The following PTPRT variants were observed in gnomAD, a reference collection of about 807,000 sequenced individuals.
The protein encoded by PTPRT is receptor-type tyrosine-protein phosphatase T.
A neutral mutation model predicts 176.8 loss-of-function variants in PTPRT; 56 were observed. That is an observed-to-expected ratio of 0.32 (90% CI 0.26 to 0.40). PTPRT has a LOEUF of 0.40. PTPRT is among the 10% of genes least tolerant of loss of function. The pLI is 1.00. For synonymous variants in PTPRT, 783 were observed against 739.0 expected (o/e 1.06, Z -0.96); for missense variants, 1,540 against 1,908.2 (o/e 0.81, Z 3.60).
intron 7 of PTPRT, among the ~76,000 whole-genome samples, chr20:42,569,475 T>C (rs2073116509): frequency 6.6e-6 from 1 of 152,168 alleles, no homozygotes; most frequent in African/African-American, 2.4e-5. Flanking sequence ...ACAGAATCTC[T>C]GGAAGGCCTG....
chr20:42,605,259 G>A (rs1244176080), intron 7 of PTPRT, among the ~76,000 whole-genome samples: 1 of 152,158 alleles, frequency 6.6e-6, no homozygotes, highest in Non-Finnish European at 1.5e-5. Flanking sequence ...CTCAGGCCAG[G>A]ACTGACCCCA....
At chr20:42,753,355 A>G (rs2076790171) in intron 6 of PTPRT, among the ~76,000 whole-genome samples, 1 of 152,206 alleles carries the variant, frequency 6.6e-6, no homozygotes. Context: ...ACATATGTTG[A>G]AGGGACTTCT....
chr20:43,135,422 G>A (rs1264948546), intron 1 of PTPRT, among the ~76,000 whole-genome samples: 2 of 152,168 alleles, frequency 1.3e-5, no homozygotes, highest in African/African-American at 4.8e-5. Context: ...CGGTGACCCC[G>A]TTTGGATATA....
In PTPRT at chr20:42,437,725, C is replaced by A. The variant is rs559138398; in HGVS notation, c.1560+10495G>T. On this transcript the variant is annotated intron_variant, in intron 9 of 30. Coordinates refer to ENST00000373187, the MANE Select transcript of PTPRT (RefSeq NM_007050.6). Reference sequence around the variant, plus strand: ...CTTAAGGTGAGGGGAGAAAAACCACCTGCTAGCTCCCGAGCTAATGAAAAG... The same window carrying A: ...CTTAAGGTGAGGGGAGAAAAACCACATGCTAGCTCCCGAGCTAATGAAAAG... Among the ~76,000 whole-genome samples, 23 of 152,264 alleles carry A rather than the reference C, an allele frequency of 1.5e-4. 1 individual carries two copies. The highest frequency in any genetic ancestry group is 3.4e-3 in the Middle Eastern group (1 of 294).
intron 2 of PTPRT, among the ~76,000 whole-genome samples, chr20:42,810,475 G>A (rs73099957): frequency 0.032 from 4,881 of 152,244 alleles, 102 homozygotes; most frequent in Non-Finnish European, 0.048. Context: ...ACGGCTATGG[G>A]ACTGGTCTGG....
intron 7 of PTPRT, among the ~76,000 whole-genome samples, chr20:42,599,442 G>A (rs1569006018): frequency 6.6e-6 from 1 of 152,098 alleles, no homozygotes; most frequent in Non-Finnish European, 1.5e-5. Context: ...CCTCCTCAGG[G>A]ATGAAATGCC....
rs536329951 is a variant in PTPRT at position 43,146,875 on chromosome 20, T to C, written c.88+42771A>G. Among the ~76,000 whole-genome samples the C allele has an allele frequency of 5.3e-5, 8 of 152,236 alleles. No individual in the cohort carries two copies. The South Asian group carries it at 1.5e-3, about 28-fold the overall frequency. On this transcript the variant is annotated intron_variant, in intron 1 of 30. Coordinates refer to ENST00000373187, the MANE Select transcript of PTPRT (RefSeq NM_007050.6). Reference sequence around the variant, plus strand: ...CTCCAGAGATGCCCTCAGCTGTCAATACGATGGAACTATATTCACAGGTCA... The same window carrying C: ...CTCCAGAGATGCCCTCAGCTGTCAACACGATGGAACTATATTCACAGGTCA...
chr20:42,257,653 C>G (rs994943891), intron 13 of PTPRT, among the ~76,000 whole-genome samples: 2 of 97,498 alleles, frequency 2.1e-5, no homozygotes, highest in East Asian at 3.9e-4. Context: ...ACCCCCCCCC[C>G]CCCGCCCACT....
chr20:42,269,857 C>T (rs1408687878), intron 13 of PTPRT, among the ~76,000 whole-genome samples: 2 of 152,138 alleles, frequency 1.3e-5, no homozygotes, highest in Non-Finnish European at 2.9e-5. Context: ...AAATGGTAGA[C>T]CTGATCATAG....
chr20:42,361,652 C>T (rs190057925), intron 9 of PTPRT, among the ~76,000 whole-genome samples: 54 of 150,506 alleles, frequency 3.6e-4, no homozygotes, highest in African/African-American at 1.2e-3. Context: ...GATTGACAGC[C>T]CCAGCTGAGT....
chr20:43,073,563 T>G (rs538726297), intron 1 of PTPRT, among the ~76,000 whole-genome samples: 16 of 151,850 alleles, frequency 1.1e-4, no homozygotes, highest in Admixed American at 5.2e-4. Context: ...TTTATATATA[T>G]AAATATATTA....
At chr20:43,149,156 G>A (rs185729689) in intron 1 of PTPRT, among the ~76,000 whole-genome samples, 66 of 152,276 alleles carry the variant, frequency 4.3e-4, no homozygotes, top group African/African-American at 1.6e-3. Flanking sequence ...ATTTTTAAAT[G>A]TGGTATGTTT....
At chr20:42,313,267 C>A (rs893131309) in intron 12 of PTPRT, among the ~76,000 whole-genome samples, 2 of 152,146 alleles carry the variant, frequency 1.3e-5, no homozygotes, top group Non-Finnish European at 2.9e-5. Flanking sequence ...TAAAAATGGA[C>A]AAACAGCAGC....
At chr20:42,462,329 T>C (rs931060163) in intron 8 of PTPRT, among the ~76,000 whole-genome samples, 2 of 152,132 alleles carry the variant, frequency 1.3e-5, no homozygotes, top group Non-Finnish European at 2.9e-5. Context: ...GCTCCAGTGG[T>C]GCTTCTGGCT....
chr20:42,068,434 G>T (rs1281239091), downstream of PTPRT, among the ~76,000 whole-genome samples: 1 of 152,034 alleles, frequency 6.6e-6, no homozygotes, highest in Non-Finnish European at 1.5e-5. Context: ...CTCTCTCTGG[G>T]GTGCTTCAAA....
chr20:42,630,674 A>C (rs2074386553), intron 7 of PTPRT, among the ~76,000 whole-genome samples: 2 of 152,200 alleles, frequency 1.3e-5, no homozygotes, highest in Non-Finnish European at 2.9e-5. Flanking sequence ...ATCATACATT[A>C]TTTATCCACA....
chr20:42,905,694 T>C (rs1164552484), intron 1 of PTPRT, among the ~76,000 whole-genome samples: 2 of 152,246 alleles, frequency 1.3e-5, no homozygotes, highest in South Asian at 4.1e-4. Context: ...TAGACTGGAT[T>C]AAGAAACTGT....
At chr20:43,140,062 T>C (rs1057028603) in intron 1 of PTPRT, among the ~76,000 whole-genome samples, 8 of 152,232 alleles carry the variant, frequency 5.3e-5, no homozygotes, top group African/African-American at 1.9e-4. Context: ...TTCCCCAGCG[T>C]TTATTACAAT....
chr20:42,453,155 T>C (rs952715105), intron 8 of PTPRT, among the ~76,000 whole-genome samples: 1 of 152,220 alleles, frequency 6.6e-6, no homozygotes, highest in African/African-American at 2.4e-5. Context: ...TACCCATGTA[T>C]TCTTCCAGAA....
Sources: allele counts gnomAD v4.1 joint callset (sites outside exome capture counted in the v4.1 genomes callset), GRCh38; gene constraint gnomAD v4.1.1; transcripts MANE v1.5; gene names NCBI Gene and HGNC (gene_info 2026-07-23, HGNC 2026-07-21).